ADARB1: variants seen among roughly 807,000 people sequenced by gnomAD.
The protein encoded by ADARB1 is double-stranded RNA-specific editase 1.
ADARB1 carries 10 observed loss-of-function variants against 52.4 expected under a neutral mutation model. The observed-to-expected ratio is 0.19, with a 90% CI of 0.12 to 0.32. ADARB1 has a LOEUF of 0.32. Ranked by LOEUF, ADARB1 falls within the 10% of genes least tolerant of loss-of-function variation. The pLI, the probability that ADARB1 is intolerant of heterozygous loss-of-function variation, is 1.00. For synonymous variants in ADARB1, 349 were observed against 371.1 expected, an observed-to-expected ratio of 0.94 and a Z score of 0.68; for missense variants, 643 against 922.3, an observed-to-expected ratio of 0.70 and a Z score of 3.92.
intron 2 of ADARB1, among the ~76,000 whole-genome samples, chr21:45,153,239 T>C (rs1325731021): frequency 6.6e-6 from 1 of 152,092 alleles, no homozygotes; most frequent in African/African-American, 2.4e-5. Flanking sequence ...CATTAAAATC[T>C]AGATTTTTTT....
intron 2 of ADARB1, among the ~76,000 whole-genome samples, chr21:45,130,458 G>C (rs1020949944): frequency 2.0e-5 from 3 of 152,334 alleles, no homozygotes; most frequent in African/African-American, 7.2e-5. Flanking sequence ...TCCTCCTCCT[G>C]ATTCTGTGTT....
chr21:45,185,901 C>T (rs1374894718), intron 8 of ADARB1, among the ~76,000 whole-genome samples: 2 of 152,226 alleles, frequency 1.3e-5, no homozygotes, highest in Admixed American at 6.5e-5. Flanking sequence ...CGCATGTGCA[C>T]GTGCACATCT....
At chr21:45,206,298 G>A (rs1263073707) in intron 9 of ADARB1, among the ~76,000 whole-genome samples, 1 of 152,168 alleles carries the variant, frequency 6.6e-6, no homozygotes. Context: ...TTGTTAATTA[G>A]GGCCTTGTTG....
At chr21:45,218,573 C>T (rs1215339742) in intron 9 of ADARB1, among the ~76,000 whole-genome samples, 1 of 152,188 alleles carries the variant, frequency 6.6e-6, no homozygotes, top group African/African-American at 2.4e-5. Flanking sequence ...ATGTCTCTTC[C>T]TTCCGGTACT....
chr21:45,127,036 T>C lies in ADARB1; in HGVS notation c.-219-1366T>C, dbSNP rs181801610. 3.1e-3 allele frequency among the ~76,000 whole-genome samples: 473 copies of C among 152,322 alleles called. 3 individuals are homozygous for C. Among genetic ancestry groups the C allele is most frequent in the Middle Eastern group, 0.014 (4 of 294 alleles). On this transcript the variant is annotated intron_variant, in intron 1 of 10. Transcript: ENST00000348831. ...TTTTTGGTGTGTAAAGCTTCTAGAATGGATTTTACTTCTTTGTGGCTCTTT... is the reference window on the plus strand; with the variant it reads ...TTTTTGGTGTGTAAAGCTTCTAGAACGGATTTTACTTCTTTGTGGCTCTTT...
chr21:45,198,664 C>A (rs549055463), intron 8 of ADARB1, among the ~76,000 whole-genome samples: 2 of 152,058 alleles, frequency 1.3e-5, no homozygotes, highest in Non-Finnish European at 2.9e-5. Flanking sequence ...GTAATATTTT[C>A]CAAGGATAGA....
intron 2 of ADARB1, among the ~76,000 whole-genome samples, chr21:45,153,985 A>G (rs555778548): frequency 5.9e-5 from 9 of 152,228 alleles, no homozygotes; most frequent in Non-Finnish European, 8.8e-5. Context: ...AATACCCTCA[A>G]TTTAGAATTA....
At chr21:45,170,459 G>A (rs560618127) in intron 2 of ADARB1, among the ~76,000 whole-genome samples, 21 of 152,186 alleles carry the variant, frequency 1.4e-4, no homozygotes, top group African/African-American at 5.1e-4. Context: ...AAACTATCTG[G>A]AAAACTTTGT....
In ADARB1 at chr21:45,101,956, G is replaced by A. The variant is rs141511194; in HGVS notation, c.-219-26446G>A. On this transcript the variant is annotated intron_variant, in intron 1 of 10. Coordinates refer to ENST00000348831, the MANE Select transcript of ADARB1 (RefSeq NM_001112.4). ...AGGCTGGAGTGCAGTGGTAATCATG[G>A]TTCACTGCAGCCTCAACTTCCAGGC... is the stretch of plus-strand genomic sequence containing the variant. Among the ~76,000 whole-genome samples, 6 of 152,188 alleles carry A rather than the reference G, an allele frequency of 3.9e-5. No individual in the cohort carries two copies. In the East Asian group the frequency reaches 9.6e-4, roughly 24 times the overall value.
chr21:45,177,118 G>C (rs2091729644), intron 4 of ADARB1: 1 of 159,002 alleles, frequency 6.3e-6, no homozygotes, highest in African/African-American at 2.4e-5. Flanking sequence ...CCCGTCAGCA[G>C]CTGAAAACCC....
At chr21:45,088,174 C>T (rs1024546800) in intron 1 of ADARB1, among the ~76,000 whole-genome samples, 2 of 152,206 alleles carry the variant, frequency 1.3e-5, no homozygotes, top group African/African-American at 4.8e-5. Flanking sequence ...GATACACCTA[C>T]ATATGCATCT....
At chr21:45,187,110 T>G (rs1019517876) in intron 8 of ADARB1, among the ~76,000 whole-genome samples, 1 of 152,232 alleles carries the variant, frequency 6.6e-6, no homozygotes, top group African/African-American at 2.4e-5. Context: ...ATTGCTTTGG[T>G]TAATATGGAC....
At chr21:45,203,786 C>G (rs1053957033) in intron 8 of ADARB1, among the ~76,000 whole-genome samples, 1 of 152,212 alleles carries the variant, frequency 6.6e-6, no homozygotes, top group African/African-American at 2.4e-5. Flanking sequence ...TCTTGAAGAG[C>G]TGTCCTTTTT....
At position 45,183,377 on chromosome 21, in the gene ADARB1, A is replaced by G. The variant is rs1260118298; in HGVS notation, c.1263A>G (p.Gln421=). The change falls in exon 7 of 11, where the codon CAA becomes CAG. Residue 421 remains glutamine (Q), a synonymous_variant. Transcript: ENST00000348831. The part of the protein sequence containing the change: ...LELYLNNKDD[Q]KRSIFQKSER... ...TTCCTTTCAGTAACAAAGATGATCA[A>G]AAAAGATCCATCTTTCAGAAATCAG... 2.5e-6 allele frequency: 4 copies of G among 1,601,676 alleles called. No individual in the cohort carries two copies. The highest frequency in any genetic ancestry group is 2.7e-5 in the African/African-American group (2 of 74,092).
intron 1 of ADARB1, among the ~76,000 whole-genome samples, chr21:45,097,437 A>AT (rs111570359): frequency 6.0e-3 from 854 of 141,710 alleles, no homozygotes; most frequent in Middle Eastern, 0.011. Flanking sequence ...GAGAATCATG[A>AT]TTTTTTTTTT....
intron 1 of ADARB1, among the ~76,000 whole-genome samples, chr21:45,075,035 G>A (rs1378559544): frequency 6.7e-6 from 1 of 150,246 alleles, no homozygotes; most frequent in East Asian, 2.0e-4. Context: ...GGGCGGCCCC[G>A]CGTCCCCTCC....
intron 1 of ADARB1, among the ~76,000 whole-genome samples, chr21:45,099,424 G>A (rs987535701): frequency 6.6e-6 from 1 of 152,178 alleles, no homozygotes; most frequent in Non-Finnish European, 1.5e-5. Flanking sequence ...CAGCGCTTTG[G>A]GAGGCCGAGG....
At chr21:45,140,895 A>G (rs1037796671) in intron 2 of ADARB1, among the ~76,000 whole-genome samples, 4 of 152,166 alleles carry the variant, frequency 2.6e-5, no homozygotes, top group East Asian at 1.9e-4. Flanking sequence ...ATCTTTTGCA[A>G]TTCTAAAAAT....
At chr21:45,195,799 T>C (rs1162529170) in intron 8 of ADARB1, among the ~76,000 whole-genome samples, 3 of 152,214 alleles carry the variant, frequency 2.0e-5, no homozygotes, top group Non-Finnish European at 2.9e-5. Context: ...TACCATGCTG[T>C]CCTGATTACT....
Sources: allele counts gnomAD v4.1 joint callset (sites outside exome capture counted in the v4.1 genomes callset), GRCh38; gene constraint gnomAD v4.1.1; transcripts MANE v1.5; gene names NCBI Gene and HGNC (gene_info 2026-07-23, HGNC 2026-07-21).